Variants in ACSM4 observed in about 807,000 individuals in gnomAD.
The protein encoded by ACSM4 is acyl-CoA synthetase medium chain family member 4.
Under a neutral mutation model 73.0 loss-of-function variants are expected in ACSM4, and 66 were observed. That is an observed-to-expected ratio of 0.90 (90% confidence interval 0.74 to 1.11). The LOEUF is 1.11. Ranked by LOEUF, ACSM4 falls within the 50% of genes least tolerant of loss-of-function variation. The pLI is 0.00. For synonymous variants in ACSM4, 222 were observed against 254.0 expected, an observed-to-expected ratio of 0.87 and a Z score of 1.20; for missense variants, 645 against 714.4, an observed-to-expected ratio of 0.90 and a Z score of 1.11.
At chr12:7,305,435 GTGCAGGCAGAGC>G (rs1946356677) in intron 1 of ACSM4, among the ~76,000 whole-genome samples, 1 of 152,198 alleles carries the variant, frequency 6.6e-6, no homozygotes, top group Admixed American at 6.5e-5. Context: ...AATAGTGCAG[GTGCAGGCAGAGC>G]TGACAGAAAC....
At chr12:7,305,339 T>C (rs2136327535) in intron 1 of ACSM4, among the ~76,000 whole-genome samples, 1 of 152,302 alleles carries the variant, frequency 6.6e-6, no homozygotes, top group South Asian at 2.1e-4. Flanking sequence ...ATGGTGCTGA[T>C]TAAATATATA....
intron 5 of ACSM4, among the ~76,000 whole-genome samples, chr12:7,319,423 C>T (rs1265226321): frequency 6.6e-6 from 1 of 151,904 alleles, no homozygotes; most frequent in Non-Finnish European, 1.5e-5. Context: ...AACCTCGTCT[C>T]TACTAAAAAT....
At chr12:7,326,398 T>TG (rs1301072019) in intron 11 of ACSM4, among the ~76,000 whole-genome samples, 1 of 152,176 alleles carries the variant, frequency 6.6e-6, no homozygotes, top group African/African-American at 2.4e-5. Context: ...TTTGTAGAGA[T>TG]GGGGTCTCAC....
At chr12:7,319,352 G>A (rs1946443144) in intron 5 of ACSM4, among the ~76,000 whole-genome samples, 1 of 152,120 alleles carries the variant, frequency 6.6e-6, no homozygotes, top group Non-Finnish European at 1.5e-5. Flanking sequence ...AGCACTTTGG[G>A]AGGCTGAAGC....
chr12:7,312,152 C>T (rs1395999544), intron 3 of ACSM4, among the ~76,000 whole-genome samples: 1 of 152,204 alleles, frequency 6.6e-6, no homozygotes, highest in African/African-American at 2.4e-5. Context: ...TTTGGCAACC[C>T]CTGCCCTAAA....
In ACSM4 at chr12:7,306,583, G is replaced by A. The variant is rs375533436; in HGVS notation, c.252G>A (p.Gly84=). The change falls in exon 2 of 13, where the codon GGG becomes GGA. Residue 84 remains glycine, a synonymous_variant. Coordinates refer to ENST00000399422, the MANE Select transcript of ACSM4 (RefSeq NM_001080454.2). ...NPALWWVNGK[G]DEVKWSFREL... The stretch of plus-strand genomic sequence containing the variant: ...CCCTGTGGTGGGTGAATGGCAAAGG[G>A]GATGAGGTAAAATGGAGCTTCAGAG... The A allele has an allele frequency of 2.4e-5, 39 of 1,602,374 alleles. No homozygotes were observed. Among genetic ancestry groups the A allele is most frequent in the Non-Finnish European group, 3.2e-5 (38 of 1,174,550 alleles).
At chr12:7,313,432 G>A (rs373047982) in intron 3 of ACSM4, among the ~76,000 whole-genome samples, 1 of 152,062 alleles carries the variant, frequency 6.6e-6, no homozygotes, top group African/African-American at 2.4e-5. Flanking sequence ...CTAGTTTTTC[G>A]GAAGACTACA....
intron 5 of ACSM4, 72 bp downstream of exon 5, chr12:7,318,254 A>G: frequency 6.4e-7 from 1 of 1,557,316 alleles, no homozygotes; most frequent in Admixed American, 1.9e-5. Flanking sequence ...CAAAGAAATT[A>G]TTCCTTAGAA....
intron 11 of ACSM4, among the ~76,000 whole-genome samples, chr12:7,325,818 A>G (rs1270751631): frequency 6.6e-6 from 1 of 152,208 alleles, no homozygotes; most frequent in African/African-American, 2.4e-5. Context: ...TACAGACACA[A>G]CAAGTGACAA....
chr12:7,327,540 T>C (rs1946517595), intron 12 of ACSM4, among the ~76,000 whole-genome samples: 1 of 152,210 alleles, frequency 6.6e-6, no homozygotes, highest in Admixed American at 6.5e-5. Flanking sequence ...TATGGAATCT[T>C]TCCTGAAACC....
chr12:7,326,357 A>G (rs1591847887), intron 11 of ACSM4, among the ~76,000 whole-genome samples: 1 of 152,128 alleles, frequency 6.6e-6, no homozygotes. Flanking sequence ...GGTGTGCACA[A>G]CTGCACCCTG....
chr12:7,325,323 G>A (rs1384290860), intron 11 of ACSM4, among the ~76,000 whole-genome samples: 1 of 152,220 alleles, frequency 6.6e-6, no homozygotes, highest in Non-Finnish European at 1.5e-5. Context: ...ATGGAATTCA[G>A]AATATCTTTT....
At chr12:7,310,289 A>C (rs1946383027) in intron 2 of ACSM4, among the ~76,000 whole-genome samples, 1 of 152,202 alleles carries the variant, frequency 6.6e-6, no homozygotes. Context: ...AGGCACAGAG[A>C]GATCAAGGTC....
intron 3 of ACSM4, among the ~76,000 whole-genome samples, 160 bp from the exon 4 acceptor site, chr12:7,316,977 A>G (rs1423909945): frequency 6.6e-6 from 1 of 152,248 alleles, no homozygotes; most frequent in Non-Finnish European, 1.5e-5. Flanking sequence ...AGTCCCGCTA[A>G]GATTTCTTGA....
chr12:7,325,035 C>G (rs80085942), intron 11 of ACSM4, among the ~76,000 whole-genome samples: 8,776 of 152,232 alleles, frequency 0.058, 304 homozygotes, highest in African/African-American at 0.093. Flanking sequence ...CCCTCCACCC[C>G]TTCAGGGAAG....
intron 7 of ACSM4, among the ~76,000 whole-genome samples, 157 bp downstream of exon 7, chr12:7,322,698 C>T (rs1946473632): frequency 6.6e-6 from 1 of 152,108 alleles, no homozygotes; most frequent in Non-Finnish European, 1.5e-5. Flanking sequence ...TTGCAGATTG[C>T]TCAGTTAGGT....
intron 3 of ACSM4, among the ~76,000 whole-genome samples, chr12:7,310,994 C>T (rs1196228016): frequency 2.6e-5 from 4 of 151,858 alleles, no homozygotes; most frequent in Non-Finnish European, 5.9e-5. Context: ...AGTGAAACCC[C>T]GTCTCTACTA....
At chr12:7,312,733 G>C (rs2136330550) in intron 3 of ACSM4, among the ~76,000 whole-genome samples, 1 of 152,186 alleles carries the variant, frequency 6.6e-6, no homozygotes, top group Non-Finnish European at 1.5e-5. Flanking sequence ...TATCAAATGT[G>C]ATAAAACATG....
In ACSM4 at chr12:7,317,127, T is replaced by C. The variant is rs1280529614; in HGVS notation, c.621-10T>C. 1.2e-6 allele frequency: 2 copies of C among 1,607,058 alleles called. No homozygotes were observed. Among genetic ancestry groups the C allele is most frequent in the African/African-American group, 2.7e-5 (2 of 74,604 alleles). On this transcript the variant is annotated splice_polypyrimidine_tract_variant and intron_variant, in intron 3 of 12. Transcript: ENST00000399422. ...TCTTCCACCGCCATCTTGGGGTCCA[T>C]ATTTTGCAGATTCGCCTCTGAAGAG...
Sources: allele counts gnomAD v4.1 joint callset (sites outside exome capture counted in the v4.1 genomes callset), GRCh38; gene constraint gnomAD v4.1.1; transcripts MANE v1.5; gene names NCBI Gene and HGNC (gene_info 2026-07-23, HGNC 2026-07-21).